Variants in MDGA2 observed in about 807,000 individuals in gnomAD.
The protein encoded by MDGA2 is MAM domain containing glycosylphosphatidylinositol anchor 2, also known as MAM domain-containing glycosylphosphatidylinositol anchor protein 2.
In MDGA2, 40 loss-of-function variants were observed where a neutral mutation model predicts 117.8. The observed-to-expected ratio is 0.34, with a 90% CI of 0.26 to 0.44. The LOEUF (loss-of-function observed/expected upper bound fraction) is 0.44. Ranked by LOEUF, MDGA2 falls within the 20% of genes least tolerant of loss-of-function variation. The pLI is 1.00. For missense variants in MDGA2, 1,123 were observed against 1,250.6 expected (o/e 0.90, Z 1.54); for synonymous variants, 452 against 439.0 (o/e 1.03, Z -0.37).
intron 3 of MDGA2, among the ~76,000 whole-genome samples, chr14:47,150,372 C>T (rs1424954339): frequency 6.6e-6 from 1 of 152,190 alleles, no homozygotes. Flanking sequence ...ATAAGAATCT[C>T]TTTGTATTTT....
chr14:47,277,222 A>G (rs1434063514), intron 2 of MDGA2, among the ~76,000 whole-genome samples: 1 of 152,126 alleles, frequency 6.6e-6, no homozygotes, highest in Non-Finnish European at 1.5e-5. Flanking sequence ...CCCTTAACAA[A>G]TCTCTTTCAT....
chr14:47,547,005 T>C lies in MDGA2; in HGVS notation c.280+127512A>G, dbSNP rs527949857. ...ATGATTCACAAAGGAACAAAACAAG[T>C]TGTTTTTTAAAAAAAATTATCCCCA... On this transcript the variant is annotated intron_variant, in intron 1 of 16. Coordinates refer to ENST00000399232, the MANE Select transcript of MDGA2 (RefSeq NM_001113498.3). 2.0e-5 allele frequency among the ~76,000 whole-genome samples: 3 copies of C among 152,252 alleles called. No homozygotes were observed. The East Asian group carries it at 5.8e-4, about 29-fold the overall frequency.
At chr14:46,936,748 G>T (rs2138567415) in intron 9 of MDGA2, among the ~76,000 whole-genome samples, 1 of 151,048 alleles carries the variant, frequency 6.6e-6, no homozygotes, top group East Asian at 1.9e-4. Flanking sequence ...AAAACCAAAA[G>T]CTCTCAATAA....
rs149083785 is a variant in MDGA2, at chr14:47,537,072, A to G, written c.280+137445T>C. Among the ~76,000 whole-genome samples the G allele has an allele frequency of 2.2e-3, 331 of 152,286 alleles. 2 individuals are homozygous for G. Among genetic ancestry groups the G allele is most frequent in the African/African-American group, 6.8e-3 (284 of 41,560 alleles). On this transcript the variant is annotated intron_variant, in intron 1 of 16. Transcript: ENST00000399232. ...ACTTAACTGGTTAATCCATGAAGAA[A>G]AAAAGACTTTGAACAGATGTCAAGT...
At chr14:47,081,382 A>T (rs1426196723) in intron 6 of MDGA2, among the ~76,000 whole-genome samples, 4 of 152,136 alleles carry the variant, frequency 2.6e-5, no homozygotes, top group African/African-American at 9.6e-5. Flanking sequence ...AATATTTTCC[A>T]ATTAAGTAAT....
chr14:47,576,991 C>A (rs1005657815), intron 1 of MDGA2, among the ~76,000 whole-genome samples: 4 of 152,068 alleles, frequency 2.6e-5, no homozygotes, highest in African/African-American at 9.7e-5. Flanking sequence ...GTTTAAGCAA[C>A]CCTCTTGCCT....
At chr14:47,109,516 G>A (rs1880919968) in intron 5 of MDGA2, among the ~76,000 whole-genome samples, 1 of 152,002 alleles carries the variant, frequency 6.6e-6, no homozygotes, top group African/African-American at 2.4e-5. Flanking sequence ...TTTCATCTTT[G>A]TACCACCAGC....
At chr14:47,511,268 G>C (rs1955780) in intron 1 of MDGA2, among the ~76,000 whole-genome samples, 63,855 of 151,880 alleles carry the variant, frequency 0.42, 14,061 homozygotes, top group East Asian at 0.61. Context: ...AAATGAAATT[G>C]AATTTTGAAA....
intron 1 of MDGA2, among the ~76,000 whole-genome samples, chr14:47,330,718 A>T (rs1397101388): frequency 6.6e-6 from 1 of 151,932 alleles, no homozygotes; most frequent in Non-Finnish European, 1.5e-5. Flanking sequence ...CCAAAAAAAA[A>T]GAAATCAAAG....
intron 1 of MDGA2, among the ~76,000 whole-genome samples, chr14:47,387,854 A>G (rs1276523671): frequency 6.6e-6 from 1 of 152,208 alleles, no homozygotes; most frequent in East Asian, 1.9e-4. Context: ...GACCCTCTCT[A>G]TGTCCAAACC....
chr14:46,924,220 G>T (rs1302911251), intron 9 of MDGA2, among the ~76,000 whole-genome samples: 2 of 151,720 alleles, frequency 1.3e-5, no homozygotes, highest in Non-Finnish European at 2.9e-5. Context: ...AATTTTTATA[G>T]ATTTATATAG....
At chr14:47,326,557 A>C (rs1486384650) in intron 1 of MDGA2, among the ~76,000 whole-genome samples, 1 of 152,180 alleles carries the variant, frequency 6.6e-6, no homozygotes, top group Non-Finnish European at 1.5e-5. Flanking sequence ...TAAATTTCAA[A>C]GGTCTCCAAA....
intron 14 of MDGA2, among the ~76,000 whole-genome samples, chr14:46,865,745 T>C (rs982694757): frequency 1.8e-3 from 276 of 152,182 alleles, no homozygotes; most frequent in Non-Finnish European, 2.9e-3. Context: ...TATACACCAA[T>C]AACAGATGAA....
Position 47,244,600 on chromosome 14 carries a change from C to G in MDGA2, c.421-26405G>C, listed in dbSNP as rs1311913373. Among the ~76,000 whole-genome samples the G allele has an allele frequency of 2.6e-5, 4 of 151,708 alleles. 1 individual carries two copies. Among genetic ancestry groups the G allele is most frequent in the Non-Finnish European group, 4.4e-5 (3 of 67,824 alleles). On this transcript the variant is annotated intron_variant, in intron 2 of 16. Transcript: ENST00000399232. ...TATCCTTTTCATTTGACTCTTGGATCTATGTCAATACTGATTTCTAAAGGT... is the reference window on the plus strand; with the variant it reads ...TATCCTTTTCATTTGACTCTTGGATGTATGTCAATACTGATTTCTAAAGGT...
At chr14:47,560,020 T>C (rs887784859) in intron 1 of MDGA2, among the ~76,000 whole-genome samples, 5 of 152,112 alleles carry the variant, frequency 3.3e-5, no homozygotes, top group African/African-American at 1.2e-4. Context: ...CTGCCAACAG[T>C]GAATAAGTGT....
In MDGA2 at chr14:47,275,602, C is replaced by G. The variant is rs116003461; in HGVS notation, c.420+25809G>C. Reference sequence around the variant, plus strand: ...AAATCTAGATAACTGTCAAATATACCTAAAAAGCTTTATGTAATACTATAA... The same window carrying G: ...AAATCTAGATAACTGTCAAATATACGTAAAAAGCTTTATGTAATACTATAA... On this transcript the variant is annotated intron_variant, in intron 2 of 16. Coordinates refer to ENST00000399232, the MANE Select transcript of MDGA2 (RefSeq NM_001113498.3). Among the ~76,000 whole-genome samples the G allele has an allele frequency of 4.0e-3, 607 of 151,940 alleles. 5 individuals are homozygous for G. The highest frequency in any genetic ancestry group is 0.014 in the African/African-American group (586 of 41,434).
At chr14:47,150,045 G>A (rs1883100658) in intron 3 of MDGA2, among the ~76,000 whole-genome samples, 1 of 152,154 alleles carries the variant, frequency 6.6e-6, no homozygotes, top group South Asian at 2.1e-4. Context: ...GAATGGAAGT[G>A]GGGTTCTATC....
At chr14:47,206,118 T>A (rs1318464290) in intron 3 of MDGA2, among the ~76,000 whole-genome samples, 1 of 152,046 alleles carries the variant, frequency 6.6e-6, no homozygotes, top group Non-Finnish European at 1.5e-5. Context: ...CAAAACATAC[T>A]GACCCCTCAG....
chr14:47,205,926 T>A (rs769116072), intron 3 of MDGA2, among the ~76,000 whole-genome samples: 11 of 152,198 alleles, frequency 7.2e-5, no homozygotes, highest in Middle Eastern at 3.4e-3. Flanking sequence ...CATTTGATAA[T>A]GGTTTGTTGA....
Sources: allele counts gnomAD v4.1 joint callset (sites outside exome capture counted in the v4.1 genomes callset), GRCh38; gene constraint gnomAD v4.1.1; transcripts MANE v1.5; gene names NCBI Gene and HGNC (gene_info 2026-07-23, HGNC 2026-07-21).